Variants in LIPH observed in about 807,000 individuals in gnomAD.
LIPH encodes lipase member H.
A neutral mutation model predicts 47.6 loss-of-function variants in LIPH; 32 were observed. The observed-to-expected ratio is 0.67, with a 90% CI of 0.51 to 0.90. The LOEUF is 0.90. Among genes scored for constraint, LIPH ranks in the 40% least tolerant of loss-of-function variants. The pLI, the probability that LIPH is intolerant of heterozygous loss-of-function variation, is 0.00. For synonymous variants in LIPH, 190 were observed against 195.6 expected, an observed-to-expected ratio of 0.97 and a Z score of 0.24; for missense variants, 497 against 541.4, an observed-to-expected ratio of 0.92 and a Z score of 0.81.
rs1008153359 is a variant in LIPH, at chr3:185,533,437, C to A, written c.526+134G>T. The A allele has an allele frequency of 4.1e-6, 3 of 734,652 alleles. No individual in the cohort carries two copies. In the African/African-American group the frequency reaches 5.2e-5, roughly 13 times the overall value. 45.5% of individuals were successfully genotyped at this position (734,652 alleles called of 1,614,324 possible). A position where few individuals can be genotyped will look rare whatever the true frequency, so the allele number is the denominator to read the frequency against. ...ATTATTTTGATCTTCCTTTTGCATG[C>A]AATGACCCACACTCAGAGAGGTTAG... is the stretch of plus-strand genomic sequence containing the variant. On this transcript the variant is annotated intron_variant, in intron 3 of 9. Coordinates refer to ENST00000296252, the MANE Select transcript of LIPH (RefSeq NM_139248.3).
In LIPH at chr3:185,526,777, G is replaced by A. The variant is rs374023356; in HGVS notation, c.628+707C>T. Among the ~76,000 whole-genome samples, 7 of 150,678 alleles carry A rather than the reference G, an allele frequency of 4.6e-5. No individual in the cohort carries two copies. In the East Asian group the frequency reaches 1.2e-3, roughly 25 times the overall value. ...AAGATCTGCAGAGAGCCAGAGAGCTGTAGTTGCATCAGAGTGACTCTGTGT... is the reference window on the plus strand; with the variant it reads ...AAGATCTGCAGAGAGCCAGAGAGCTATAGTTGCATCAGAGTGACTCTGTGT... On this transcript the variant is annotated intron_variant, in intron 4 of 9. Coordinates refer to ENST00000296252, the MANE Select transcript of LIPH (RefSeq NM_139248.3).
At chr3:185,539,285 A>C (rs898502609) in intron 1 of LIPH, among the ~76,000 whole-genome samples, 2 of 151,950 alleles carry the variant, frequency 1.3e-5, no homozygotes, top group Non-Finnish European at 2.9e-5. Context: ...TATTTTTATC[A>C]TAACTGGGCT....
intron 8 of LIPH, 49 bp from the exon 9 acceptor site, chr3:185,511,746 AGAAAGCAGTTTT>A (rs1362055032): frequency 2.9e-6 from 4 of 1,400,498 alleles, no homozygotes; most frequent in Middle Eastern, 1.8e-4. Context: ...TACTAATGAG[AGAAAGCAGTTTT>A]GAAGCCTGCA....
intron 5 of LIPH, 103 bp downstream of exon 5, chr3:185,523,968 C>T (rs758187227): frequency 2.2e-4 from 166 of 756,520 alleles, no homozygotes; most frequent in Middle Eastern, 2.4e-4. Flanking sequence ...GTGATCCACC[C>T]GTCTCGGCCT....
At chr3:185,521,806 A>C (rs1719905451) in intron 5 of LIPH, among the ~76,000 whole-genome samples, 1 of 152,196 alleles carries the variant, frequency 6.6e-6, no homozygotes, top group Non-Finnish European at 1.5e-5. Flanking sequence ...TATTTCATTA[A>C]GCTAACTGCA....
intron 1 of LIPH, among the ~76,000 whole-genome samples, chr3:185,542,474 G>T (rs551283944): frequency 1.3e-5 from 2 of 151,894 alleles, no homozygotes; most frequent in African/African-American, 4.8e-5. Context: ...CTGCCACCAC[G>T]TTCTGCTAAT....
intron 5 of LIPH, among the ~76,000 whole-genome samples, chr3:185,521,925 A>AT (rs1193348858): frequency 2.6e-5 from 4 of 152,028 alleles, no homozygotes; most frequent in African/African-American, 7.2e-5. Flanking sequence ...GTGGTTTAGG[A>AT]TTTTTTCCTA....
chr3:185,544,645 G>C (rs995835914), intron 1 of LIPH, among the ~76,000 whole-genome samples: 11 of 152,170 alleles, frequency 7.2e-5, no homozygotes, highest in African/African-American at 2.7e-4. Context: ...ATGAGTTACT[G>C]AGCCTGGGCG....
intron 6 of LIPH, among the ~76,000 whole-genome samples, chr3:185,518,677 T>G (rs1400428544): frequency 6.6e-6 from 1 of 152,156 alleles, no homozygotes; most frequent in Non-Finnish European, 1.5e-5. Context: ...AGTCTATTTT[T>G]AAAATTTTTT....
intron 2 of LIPH, 143 bp from the exon 3 acceptor site, chr3:185,533,822 GCAAAGTAAATA>G (rs1439480945): frequency 1.6e-6 from 1 of 640,636 alleles, no homozygotes; most frequent in African/African-American, 1.8e-5. Context: ...CAACATCCAT[GCAAAGTAAATA>G]CTATTCTTTT....
intron 1 of LIPH, among the ~76,000 whole-genome samples, chr3:185,538,593 T>A (rs1386687534): frequency 6.6e-6 from 1 of 152,102 alleles, no homozygotes; most frequent in Non-Finnish European, 1.5e-5. Flanking sequence ...ACCCAAACTA[T>A]TAAGCTTTAT....
chr3:185,527,096 AG>A (rs1306530206), intron 4 of LIPH, among the ~76,000 whole-genome samples: 6 of 151,974 alleles, frequency 3.9e-5, no homozygotes, highest in African/African-American at 1.5e-4. Context: ...AAAATTAGCC[AG>A]GCGTGGCGGC....
chr3:185,508,612 T>G lies in LIPH; in HGVS notation c.*178A>C. The stretch of plus-strand genomic sequence containing the variant: ...CCTAGTTAGGGGCTCCTTCCCAGGA[T>G]CGTTTTATAATCACAAGGTTGTTTG... On this transcript the variant is annotated 3_prime_UTR_variant, in exon 10 of 10. Transcript: ENST00000296252. 1 of 622,026 alleles carries G rather than the reference T, an allele frequency of 1.6e-6. No homozygotes were observed. Among genetic ancestry groups the G allele is most frequent in the Non-Finnish European group, 2.9e-6 (1 of 346,898 alleles). 38.5% of individuals were successfully genotyped at this position (622,026 alleles called of 1,614,324 possible).
intron 3 of LIPH, among the ~76,000 whole-genome samples, chr3:185,529,954 G>GAAAGAA (rs1270258571): frequency 1.1e-4 from 6 of 54,744 alleles, no homozygotes; most frequent in African/African-American, 3.0e-4. Context: ...AAGAAAGAAA[G>GAAAGAA]AAAGAAAGAA....
intron 1 of LIPH, among the ~76,000 whole-genome samples, chr3:185,543,006 C>T (rs964005789): frequency 1.3e-4 from 20 of 151,982 alleles, no homozygotes; most frequent in African/African-American, 3.4e-4. Flanking sequence ...GTCAGGAGTT[C>T]GAGACCAGCC....
Position 185,539,839 on chromosome 3 carries a change from T to G in LIPH, c.50-4707A>C, listed in dbSNP as rs534192396. ...AAGACCTGCCTTTCAGAGAAACTTC[T>G]GGAGGAAGCACAGCTGAGTTGGCCG... On this transcript the variant is annotated intron_variant, in intron 1 of 9. Transcript: ENST00000296252. 2.6e-5 allele frequency among the ~76,000 whole-genome samples: 4 copies of G among 152,346 alleles called. No individual in the cohort carries two copies. In the South Asian group the frequency reaches 8.3e-4, roughly 32 times the overall value.
intron 1 of LIPH, among the ~76,000 whole-genome samples, chr3:185,550,671 G>T (rs1721022310): frequency 1.3e-5 from 2 of 152,066 alleles, no homozygotes; most frequent in Non-Finnish European, 1.5e-5. Context: ...CCAGGTTCAA[G>T]AGATTCTCCT....
At chr3:185,548,915 C>T (rs149237255) in intron 1 of LIPH, among the ~76,000 whole-genome samples, 40 of 151,766 alleles carry the variant, frequency 2.6e-4, no homozygotes, top group African/African-American at 7.0e-4. Flanking sequence ...AGGGGGATCA[C>T]GAGGTCAAGA....
intron 4 of LIPH, among the ~76,000 whole-genome samples, chr3:185,526,941 T>C (rs1223540291): frequency 6.6e-6 from 1 of 152,064 alleles, no homozygotes; most frequent in South Asian, 2.1e-4. Context: ...TTGAGCATGA[T>C]GATTCCTTTA....
Sources: gnomAD v4.1 joint callset for allele counts (sites outside exome capture counted in the v4.1 genomes callset) on GRCh38, gnomAD v4.1.1 for gene constraint, MANE v1.5 for transcripts, NCBI Gene and HGNC (gene_info 2026-07-23, HGNC 2026-07-21) for gene names.